NUP88: variants seen among roughly 807,000 people sequenced by gnomAD.
The protein encoded by NUP88 is nucleoporin 88, also known as nuclear pore complex protein Nup88.
A neutral mutation model predicts 93.9 loss-of-function variants in NUP88; 57 were observed. That is an observed-to-expected ratio of 0.61 (90% CI 0.49 to 0.76). The LOEUF is 0.76. Among genes scored for constraint, NUP88 ranks in the 30% least tolerant of loss-of-function variants. The pLI, the probability that NUP88 is intolerant of heterozygous loss-of-function variation, is 0.00. For synonymous variants in NUP88, 346 were observed against 336.8 expected, an observed-to-expected ratio of 1.03 and a Z score of -0.30; for missense variants, 911 against 901.0, an observed-to-expected ratio of 1.01 and a Z score of -0.14.
At position 5,398,890 on chromosome 17, in the gene NUP88, C is replaced by CTTT. The variant is rs751156685; in HGVS notation, c.1291+659_1291+661dup. On this transcript the variant is annotated intron_variant, in intron 8 of 16. Coordinates refer to ENST00000573584, the MANE Select transcript of NUP88 (RefSeq NM_002532.6). ...AAAGGCATGAGCCACTGCACCCAGCCTTTTTTTTTTTTTTTTGAGACGGAG... is the reference window on the plus strand; with the variant it reads ...AAAGGCATGAGCCACTGCACCCAGCCTTTTTTTTTTTTTTTTTTTGAGACGGAG... 3.3e-4 allele frequency among the ~76,000 whole-genome samples: 44 copies of CTTT among 131,918 alleles called. 6 individuals are homozygous for CTTT. The highest frequency in any genetic ancestry group is 9.9e-4 in the Admixed American group (13 of 13,146). The allele number at this position is 131,918 out of a possible 152,430, so 86.5% of individuals were successfully genotyped here. A position where few individuals can be genotyped will look rare whatever the true frequency, so the allele number is the denominator to read the frequency against.
At chr17:5,404,941 A>G in intron 6 of NUP88, 116 bp downstream of exon 6, 2 of 946,622 alleles carry the variant, frequency 2.1e-6, no homozygotes, top group Non-Finnish European at 3.1e-6. Flanking sequence ...AATTTCCAAA[A>G]TATCAGAAGT....
chr17:5,388,452 A>T (rs1597313133), intron 11 of NUP88: 1 of 163,066 alleles, frequency 6.1e-6, no homozygotes, highest in East Asian at 1.8e-4. Context: ...CACCCAGCTA[A>T]TTTTTTTTTG....
chr17:5,410,641 T>C (rs1913781517), intron 4 of NUP88, 62 bp downstream of exon 4: 3 of 1,020,062 alleles, frequency 2.9e-6, no homozygotes, highest in Middle Eastern at 2.1e-4. Context: ...CCTGTTAAAA[T>C]TGCATTTATA....
Position 5,386,207 on chromosome 17 carries a change from CAGA to C in NUP88, c.2222_2224del (p.Phe741del), listed in dbSNP as rs1324981354. ...GGTGTGAGTCAGCTCCTGGTGGTGT[CAGA>C]AGTTTACATGATTGCGGATATCATT... On this transcript the variant is annotated inframe_deletion, in exon 17 of 17. Coordinates refer to ENST00000573584, the MANE Select transcript of NUP88 (RefSeq NM_002532.6). The C allele has an allele frequency of 2.5e-6, 4 of 1,612,542 alleles. No individual in the cohort carries two copies. The highest frequency in any genetic ancestry group is 3.4e-6 in the Non-Finnish European group (4 of 1,179,222).
Position 5,387,835 on chromosome 17 carries a change from C to T in NUP88, c.1713G>A (p.Val571=). 2.5e-6 allele frequency: 4 copies of T among 1,614,104 alleles called. No homozygotes were observed. Among genetic ancestry groups the T allele is most frequent in the Non-Finnish European group, 3.4e-6 (4 of 1,180,018 alleles). Residue 571 remains valine (V), a synonymous_variant, in exon 12 of 17, where the codon GTG becomes GTA. Coordinates refer to ENST00000573584, the MANE Select transcript of NUP88 (RefSeq NM_002532.6). The part of the protein sequence containing the change: ...CLQLLSRATQ[V]FREQYILKQD... ...GTTTGAGAATGTACTGCTCTCTGAACACCTGGGTGGCTCTGCTGAGGAGCT... is the reference window on the plus strand; with the variant it reads ...GTTTGAGAATGTACTGCTCTCTGAATACCTGGGTGGCTCTGCTGAGGAGCT...
chr17:5,395,538 A>T (rs13341936), intron 8 of NUP88, among the ~76,000 whole-genome samples: 69,012 of 150,158 alleles, frequency 0.46, 16,517 homozygotes, highest in East Asian at 0.84. Context: ...TAACAGCTTT[A>T]TTTTTTTTTG....
intron 5 of NUP88, 76 bp from the exon 6 acceptor site, chr17:5,405,319 T>C: frequency 1.6e-6 from 2 of 1,280,620 alleles, no homozygotes; most frequent in Non-Finnish European, 2.2e-6. Flanking sequence ...TTCTTTGACT[T>C]TGTTTTCCTC....
At chr17:5,419,072 C>G (rs1003400798) in intron 1 of NUP88, among the ~76,000 whole-genome samples, 6 of 152,200 alleles carry the variant, frequency 3.9e-5, no homozygotes, top group Non-Finnish European at 5.9e-5. Flanking sequence ...ATAGCAACTC[C>G]GCCCACTCGT....
At chr17:5,414,305 C>G (rs538993586) in intron 2 of NUP88, among the ~76,000 whole-genome samples, 171 bp from the exon 3 acceptor site, 1 of 152,198 alleles carries the variant, frequency 6.6e-6, no homozygotes, top group African/African-American at 2.4e-5. Context: ...AAGTGATTCT[C>G]CTGCCTCAGT....
chr17:5,412,615 G>C lies in NUP88; in HGVS notation c.593+1394C>G, dbSNP rs368486402. 4.6e-5 allele frequency among the ~76,000 whole-genome samples: 7 copies of C among 151,942 alleles called. No individual in the cohort carries two copies. The East Asian group carries it at 7.7e-4, about 17-fold the overall frequency. The stretch of plus-strand genomic sequence containing the variant: ...TGGGAGCCAGAGCTCCTCAGTGATG[G>C]GGGGAGCTGGAAGTTCAACACTGCC... On this transcript the variant is annotated intron_variant, in intron 3 of 16. Coordinates refer to ENST00000573584, the MANE Select transcript of NUP88 (RefSeq NM_002532.6).
chr17:5,414,846 G>A (rs552593911), intron 2 of NUP88, among the ~76,000 whole-genome samples: 76 of 151,930 alleles, frequency 5.0e-4, no homozygotes, highest in African/African-American at 1.8e-3. Flanking sequence ...GAACCCAGGA[G>A]GTGGAGGCTG....
Position 5,404,192 on chromosome 17 carries a change from C to T in NUP88, c.1099G>A (p.Glu367Lys), listed in dbSNP as rs374723055. Reference protein sequence around the residue: ...IDLIPSLYVFECVELELALKL... With the variant: ...IDLIPSLYVFKCVELELALKL... ...AAAGCAAGCTCCAACTCAACACATTCAAACACATACAGAGAAGGAATGAGG... is the reference window on the plus strand; with the variant it reads ...AAAGCAAGCTCCAACTCAACACATTTAAACACATACAGAGAAGGAATGAGG... Residue 367 changes from glutamate to lysine, a missense_variant, in exon 7 of 17, where the codon GAA becomes AAA. Physicochemically the swap from Glu to Lys is moderately conservative, Grantham distance 56. Transcript: ENST00000573584. The T allele has an allele frequency of 2.5e-6, 4 of 1,613,952 alleles. No homozygotes were observed. In the African/African-American group the frequency reaches 5.3e-5, roughly 22 times the overall value.
Position 5,387,606 on chromosome 17 carries a change from T to TCTC in NUP88, c.1831_1833dup (p.Glu611dup). On this transcript the variant is annotated inframe_insertion and splice_region_variant, in exon 13 of 17. Coordinates refer to ENST00000573584, the MANE Select transcript of NUP88 (RefSeq NM_002532.6). ...ATTCTTCTTATTTTTGACACTTACC[T>TCTC]CTCTTCTCGACAATAACTGAGATCT... is the stretch of plus-strand genomic sequence containing the variant. 2 of 1,612,550 alleles carry TCTC rather than the reference T, an allele frequency of 1.2e-6. No individual in the cohort carries two copies. Among genetic ancestry groups the TCTC allele is most frequent in the Non-Finnish European group, 1.7e-6 (2 of 1,178,832 alleles).
chr17:5,394,456 T>A (rs1407809534), intron 9 of NUP88, among the ~76,000 whole-genome samples: 1 of 151,988 alleles, frequency 6.6e-6, no homozygotes, highest in South Asian at 2.1e-4. Flanking sequence ...CAGTCTCTGC[T>A]CTCATGAAAC....
chr17:5,387,084 T>G lies in NUP88; in HGVS notation c.1943A>C (p.His648Pro). 6.2e-7 allele frequency: 1 copy of G among 1,613,896 alleles called. No homozygotes were observed. Among genetic ancestry groups the G allele is most frequent in the Non-Finnish European group, 8.5e-7 (1 of 1,179,950 alleles). The change falls in exon 15 of 17, where the codon CAC becomes CCC. Residue 648 changes from histidine to proline, a missense_variant. Transcript: ENST00000573584. ...NRMKKLLHSFHSELPVLSDSE... is the reference protein window; with the variant it reads ...NRMKKLLHSFPSELPVLSDSE... ...ATCAGAGAGAACTGGGAGCTCAGAGTGAAAACTGTGAAGTAGTTTTTTCAT... is the reference window on the plus strand; with the variant it reads ...ATCAGAGAGAACTGGGAGCTCAGAGGGAAAACTGTGAAGTAGTTTTTTCAT...
chr17:5,391,757 G>A, intron 9 of NUP88, 95 bp from the exon 10 acceptor site: 2 of 969,998 alleles, frequency 2.1e-6, no homozygotes, highest in Non-Finnish European at 1.6e-6. Flanking sequence ...TCAGGCCTGG[G>A]CTGAAGTTGC....
At position 5,419,500 on chromosome 17, in the gene NUP88, G is replaced by A. The variant is rs773600624; in HGVS notation, c.151C>T (p.Pro51Ser). 1.2e-6 allele frequency: 2 copies of A among 1,614,010 alleles called. No homozygotes were observed. ...KPASSSLPSSPPPQLLTRNVV... is the reference protein window; with the variant it reads ...KPASSSLPSSSPPQLLTRNVV... ...TTTCTCGTCAGCAACTGCGGCGGCG[G>A]CGACGAAGGCAACGACGAAGAAGCT... Residue 51 changes from proline (P) to serine (S), a missense_variant, in exon 1 of 17, where the codon CCG becomes TCG. Transcript: ENST00000573584.
intron 1 of NUP88, 86 bp downstream of exon 1, chr17:5,419,268 A>C: frequency 7.1e-7 from 1 of 1,407,528 alleles, no homozygotes; most frequent in Non-Finnish European, 9.4e-7. Flanking sequence ...CTGCCACAAG[A>C]TGAAAAACAG....
At chr17:5,403,191 A>G (rs972696651) in intron 7 of NUP88, among the ~76,000 whole-genome samples, 4 of 151,964 alleles carry the variant, frequency 2.6e-5, no homozygotes, top group Admixed American at 6.6e-5. Flanking sequence ...TAAAAATACA[A>G]AAATTGCCAG....
Sources: gnomAD v4.1 joint callset for allele counts (sites outside exome capture counted in the v4.1 genomes callset) on GRCh38, gnomAD v4.1.1 for gene constraint, MANE v1.5 for transcripts, NCBI Gene and HGNC (gene_info 2026-07-23, HGNC 2026-07-21) for gene names.